Variants in TRPM8 observed in about 807,000 individuals in gnomAD.
TRPM8 encodes the protein transient receptor potential cation channel subfamily M member 8.
TRPM8 carries 110 observed loss-of-function variants against 133.7 expected under a neutral mutation model. The ratio of observed to expected loss-of-function variants is 0.82; its 90% CI spans 0.70 to 0.96. TRPM8 has a LOEUF of 0.96. TRPM8 is among the 40% of genes least tolerant of loss of function. The probability of loss-of-function intolerance (pLI) is 0.00; values close to 1 mark genes in which losing one functional copy is unlikely to be tolerated. For missense variants in TRPM8, 1,291 were observed against 1,379.5 expected (o/e 0.94, Z 1.02); for synonymous variants, 535 against 532.3 (o/e 1.01, Z -0.07).
At position 233,989,502 on chromosome 2, in the gene TRPM8, C is replaced by T. The variant is rs1000487648; in HGVS notation, c.2939+3637C>T. ...TACCTGTCTGGGGACACCAGAACAG[C>T]GAGAGACGCCGTGTTGTTATCCTTA... On this transcript the variant is annotated intron_variant, in intron 21 of 25. Transcript: ENST00000324695. This position sits in a 1 kb window ranked among gnomAD's most constrained non-coding sequence, Gnocchi z 4.2. 6.6e-6 allele frequency among the ~76,000 whole-genome samples: 1 copy of T among 152,198 alleles called. No homozygotes were observed. The highest frequency in any genetic ancestry group is 2.4e-5 in the African/African-American group (1 of 41,452).
At chr2:234,000,043 C>T (rs1692511631) in intron 22 of TRPM8, among the ~76,000 whole-genome samples, 1 of 152,120 alleles carries the variant, frequency 6.6e-6, no homozygotes, top group Non-Finnish European at 1.5e-5. Context: ...AAAACCTTTC[C>T]TGAGCACATT....
chr2:233,992,554 C>T (rs1692305255), intron 21 of TRPM8, among the ~76,000 whole-genome samples: 1 of 152,210 alleles, frequency 6.6e-6, no homozygotes, highest in Non-Finnish European at 1.5e-5. Context: ...TTCTGAACTG[C>T]TGTCCCTCTG....
intron 17 of TRPM8, among the ~76,000 whole-genome samples, chr2:233,975,775 A>AAG (rs1380663241): frequency 1.3e-5 from 2 of 152,170 alleles, no homozygotes; most frequent in Admixed American, 6.5e-5. Flanking sequence ...CCAGCTACTC[A>AAG]GGAGGCTGAG....
intron 22 of TRPM8, among the ~76,000 whole-genome samples, chr2:233,999,780 C>G (rs1034376897): frequency 6.6e-6 from 1 of 152,184 alleles, no homozygotes; most frequent in Admixed American, 6.5e-5. Context: ...TTTGATGCCT[C>G]GAACAATTTA....
chr2:233,938,893 T>G, intron 4 of TRPM8, 105 bp from the exon 5 acceptor site: 1 of 1,323,176 alleles, frequency 7.6e-7, no homozygotes, highest in Non-Finnish European at 1.0e-6. Flanking sequence ...CCCGCCCCTC[T>G]TCTAGAAGCA....
rs1692064166 is a variant in TRPM8, at chr2:233,983,422, C to T, written c.2761+198C>T. 8.3e-6 allele frequency: 5 copies of T among 605,178 alleles called. No homozygotes were observed. In the East Asian group the frequency reaches 1.5e-4, roughly 18 times the overall value. The allele number at this position is 605,178 out of a possible 1,614,324, so 37.5% of individuals were successfully genotyped here. A position where few individuals can be genotyped will look rare whatever the true frequency, so the allele number is the denominator to read the frequency against. On this transcript the variant is annotated intron_variant, in intron 20 of 25. Transcript: ENST00000324695. The stretch of plus-strand genomic sequence containing the variant: ...TTTTACATCAGCCTTGCAGATGGTG[C>T]CCAACATTTCAATTTTTAAACCTTT...
In TRPM8 at chr2:233,937,491, A is replaced by G; in HGVS notation, c.330A>G (p.Thr110=). 1 of 1,613,126 alleles carries G rather than the reference A, an allele frequency of 6.2e-7. No homozygotes were observed. The highest frequency in any genetic ancestry group is 8.5e-7 in the Non-Finnish European group (1 of 1,179,644). Residue 110 remains threonine (T), a synonymous_variant, in exon 4 of 26, where the codon ACA becomes ACG. Coordinates refer to ENST00000324695, the MANE Select transcript of TRPM8 (RefSeq NM_024080.5). ...TDAFGDIQFE[T]LGKKGKYIRL... is the part of the protein sequence containing the mutation. ...CCTTTGGGGATATTCAGTTTGAGAC[A>G]CTGGGGAAGAAAGGGAAGGTAAGCA... is the stretch of plus-strand genomic sequence containing the variant.
At chr2:234,015,558 T>C (rs780409810) in intron 25 of TRPM8, among the ~76,000 whole-genome samples, 10 of 152,176 alleles carry the variant, frequency 6.6e-5, no homozygotes, top group African/African-American at 1.4e-4. Context: ...GAAATTCCTA[T>C]TCATGGGGTG....
Position 233,985,774 on chromosome 2 carries a change from C to T in TRPM8, c.2848C>T (p.Arg950Trp), listed in dbSNP as rs147248663. The change falls in exon 21 of 26, where the codon CGG (arginine) becomes TGG (tryptophan). Residue 950 changes from arginine to tryptophan, a missense_variant. Physicochemically the swap from Arg to Trp is moderately radical, Grantham distance 101. Transcript: ENST00000324695. Reference sequence around the variant, plus strand: ...GGAGCTGGATGAGCACAACCTGCCCCGGTTCCCCGAGTGGATCACCATCCC... The same window carrying T: ...GGAGCTGGATGAGCACAACCTGCCCTGGTTCCCCGAGTGGATCACCATCCC... ...CVELDEHNLP[R>W]FPEWITIPLV... 3.3e-5 allele frequency: 53 copies of T among 1,614,050 alleles called. No individual in the cohort carries two copies. The highest frequency in any genetic ancestry group is 1.9e-4 in the African/African-American group (14 of 74,902).
At chr2:233,922,108 CA>C (rs34459106) in intron 1 of TRPM8, among the ~76,000 whole-genome samples, 62,671 of 152,044 alleles carry the variant, frequency 0.41, 18,222 homozygotes, top group African/African-American at 0.81. Context: ...TCTCCAACAT[CA>C]ATTAAGTCTA....
intron 17 of TRPM8, among the ~76,000 whole-genome samples, chr2:233,973,971 T>C (rs1222072994): frequency 1.3e-5 from 2 of 152,194 alleles, no homozygotes; most frequent in African/African-American, 4.8e-5. Context: ...CCACTCTCAC[T>C]TGTAGTTGAC....
chr2:233,926,151 A>G (rs1691510047), intron 1 of TRPM8, among the ~76,000 whole-genome samples: 1 of 152,170 alleles, frequency 6.6e-6, no homozygotes, highest in South Asian at 2.1e-4. Flanking sequence ...TCCTCAATTC[A>G]TTACTTAGCA....
At chr2:233,972,387 A>G (rs1469992498) in intron 17 of TRPM8, among the ~76,000 whole-genome samples, 1 of 152,268 alleles carries the variant, frequency 6.6e-6, no homozygotes, top group Non-Finnish European at 1.5e-5. Context: ...CACCAGACTC[A>G]GGAGCCCAGC....
In TRPM8 at chr2:233,966,638, T is replaced by A. The variant is rs771058796; in HGVS notation, c.1908T>A (p.Asp636Glu). Reference sequence around the variant, plus strand: ...TGTTCACTGAGTGTTACAGCAGCGATGAAGACTTGGCAGAACAGCTGCTGG... The same window carrying A: ...TGTTCACTGAGTGTTACAGCAGCGAAGAAGACTTGGCAGAACAGCTGCTGG... ...VELFTECYSS[D>E]EDLAEQLLVY... is the part of the protein sequence containing the mutation. The change falls in exon 15 of 26, where the codon GAT becomes GAA. Residue 636 changes from aspartate (D) to glutamate (E), a missense_variant. Asp to Glu is a conservative substitution (Grantham distance 45). Coordinates refer to ENST00000324695, the MANE Select transcript of TRPM8 (RefSeq NM_024080.5). 3.7e-6 allele frequency: 6 copies of A among 1,614,122 alleles called. No homozygotes were observed. Among genetic ancestry groups the A allele is most frequent in the Non-Finnish European group, 5.1e-6 (6 of 1,179,996 alleles).
chr2:233,947,628 A>G lies in TRPM8; in HGVS notation c.942+473A>G, dbSNP rs754545242. 9.3e-6 allele frequency: 12 copies of G among 1,288,048 alleles called. No homozygotes were observed. The South Asian group carries it at 9.9e-5, about 11-fold the overall frequency. 79.8% of individuals were successfully genotyped at this position (1,288,048 alleles called of 1,614,324 possible). On this transcript the variant is annotated intron_variant, in intron 8 of 25. Coordinates refer to ENST00000324695, the MANE Select transcript of TRPM8 (RefSeq NM_024080.5). ...CCAAACCCTAAGTGATTCTGAGATC[A>G]TGGAAACTTCTTGAATGGTTCTGCA... is the stretch of plus-strand genomic sequence containing the variant.
intron 1 of TRPM8, among the ~76,000 whole-genome samples, chr2:233,920,618 G>A (rs955379230): frequency 6.6e-6 from 1 of 152,180 alleles, no homozygotes; most frequent in Admixed American, 6.5e-5. Flanking sequence ...GCATGGCTGT[G>A]CAGGGATATT....
intron 10 of TRPM8, among the ~76,000 whole-genome samples, chr2:233,954,725 A>C (rs1691250186): frequency 6.6e-6 from 1 of 152,240 alleles, no homozygotes; most frequent in South Asian, 2.1e-4. Flanking sequence ...AGATACATAG[A>C]TGCATAAAAT....
At position 233,996,284 on chromosome 2, in the gene TRPM8, A is replaced by G. The variant is rs575034210; in HGVS notation, c.2940-42A>G. 5 of 1,578,964 alleles carry G rather than the reference A, an allele frequency of 3.2e-6. No individual in the cohort carries two copies. In the South Asian group the frequency reaches 4.5e-5, roughly 14 times the overall value. ...ATACTAGGCAGTTTAGCGATGAGGC[A>G]TGCGCAATGCTAAGTCTTGGCCTTC... On this transcript the variant is annotated intron_variant, in intron 21 of 25. Coordinates refer to ENST00000324695, the MANE Select transcript of TRPM8 (RefSeq NM_024080.5).
intron 3 of TRPM8, chr2:233,933,655 T>G (rs1362807447): frequency 1.3e-5 from 2 of 152,298 alleles, no homozygotes; most frequent in African/African-American, 4.8e-5. Flanking sequence ...AGGTCACCTG[T>G]GACACACCCC....
Sources: gnomAD v4.1 joint callset for allele counts (sites outside exome capture counted in the v4.1 genomes callset) on GRCh38, gnomAD v4.1.1 for gene constraint, Gnocchi (gnomAD v3.1) non-coding constraint, MANE v1.5 for transcripts, NCBI Gene and HGNC (gene_info 2026-07-23, HGNC 2026-07-21) for gene names.